The following CCDC171 variants were observed in gnomAD, a reference collection of about 807,000 sequenced individuals.
CCDC171 encodes coiled-coil domain-containing protein 171.
A neutral mutation model predicts 168.2 loss-of-function variants in CCDC171; 177 were observed. That is an observed-to-expected ratio of 1.05 (90% CI 0.93 to 1.19). The LOEUF is 1.19. Among genes scored for constraint, CCDC171 ranks in the 50% most tolerant of loss-of-function variants. CCDC171 has a pLI of 0.00. For missense variants in CCDC171, 1,991 were observed against 1,539.0 expected (o/e 1.29, Z -4.91); for synonymous variants, 687 against 540.8 (o/e 1.27, Z -3.75).
chr9:15,666,357 CAT>C, intron 9 of CCDC171, 34 bp downstream of exon 9: 1 of 1,461,402 alleles, frequency 6.8e-7, no homozygotes, highest in Non-Finnish European at 9.4e-7. Context: ...TCTAAATTAA[CAT>C]AAAGATTTTA....
intron 6 of CCDC171, among the ~76,000 whole-genome samples, chr9:16,034,477 A>T (rs1366864458): frequency 1.3e-5 from 2 of 152,160 alleles, no homozygotes; most frequent in African/African-American, 4.8e-5. Flanking sequence ...TTTTTTCCAC[A>T]GTAATTTGAT....
At chr9:15,648,769 C>A (rs1321771226) in intron 7 of CCDC171, among the ~76,000 whole-genome samples, 3 of 152,132 alleles carry the variant, frequency 2.0e-5, no homozygotes, top group African/African-American at 4.8e-5. Flanking sequence ...AATGGAAGAA[C>A]CTTCCATGCT....
chr9:15,856,601 A>G (rs9407668), intron 23 of CCDC171, among the ~76,000 whole-genome samples: 114,536 of 151,838 alleles, frequency 0.75, 44,927 homozygotes, highest in East Asian at 0.89. Flanking sequence ...GTATCCATTT[A>G]TCTCTCAATA....
chr9:16,021,685 T>A (rs760748853), intron 4 of CCDC171, among the ~76,000 whole-genome samples: 2 of 152,240 alleles, frequency 1.3e-5, no homozygotes, highest in Non-Finnish European at 2.9e-5. Context: ...TGAAAAGTGT[T>A]TGACCCCAGA....
chr9:15,649,510 G>T (rs1366931066), intron 7 of CCDC171, among the ~76,000 whole-genome samples: 5 of 152,070 alleles, frequency 3.3e-5, no homozygotes, highest in Admixed American at 1.3e-4. Context: ...CTGACAAAGG[G>T]CTAATATCCA....
intron 24 of CCDC171, among the ~76,000 whole-genome samples, chr9:15,889,513 AT>A (rs1170246745): frequency 6.6e-6 from 1 of 152,146 alleles, no homozygotes; most frequent in Non-Finnish European, 1.5e-5. Context: ...ATTGTGTAGT[AT>A]TTTATGCCAC....
chr9:15,891,981 T>A (rs919596011), intron 24 of CCDC171, among the ~76,000 whole-genome samples: 2 of 152,114 alleles, frequency 1.3e-5, no homozygotes, highest in African/African-American at 2.4e-5. Context: ...TTTTGGACCT[T>A]TCCCCAATCC....
At chr9:16,070,642 G>A in the CCDC171 span, among the ~76,000 whole-genome samples, 2 of 152,204 alleles carry the variant, frequency 1.3e-5, no homozygotes. Context: ...AACTAAGGCA[G>A]GAGCAAGAAA....
chr9:15,663,585 C>G (rs2048483822), intron 8 of CCDC171, among the ~76,000 whole-genome samples: 1 of 149,222 alleles, frequency 6.7e-6, no homozygotes, highest in African/African-American at 2.4e-5. Flanking sequence ...TGGAGAACTA[C>G]ATAGAGAATT....
intron 11 of CCDC171, 68 bp downstream of exon 11, chr9:15,695,405 C>G: frequency 2.7e-6 from 3 of 1,129,624 alleles, no homozygotes; most frequent in Non-Finnish European, 4.1e-6. Context: ...TTTGGGAATT[C>G]TGCAGATGCC....
chr9:15,621,045 A>C (rs1327007904), intron 6 of CCDC171, among the ~76,000 whole-genome samples: 2 of 152,158 alleles, frequency 1.3e-5, no homozygotes, highest in Non-Finnish European at 2.9e-5. Context: ...GACTCACTGC[A>C]ATCTCTGCTT....
chr9:15,605,436 T>C (rs1257374331), intron 6 of CCDC171, among the ~76,000 whole-genome samples: 1 of 150,370 alleles, frequency 6.7e-6, no homozygotes, highest in African/African-American at 2.5e-5. Context: ...TCCCAGCACT[T>C]TGGGAGGCTG....
intron 18 of CCDC171, among the ~76,000 whole-genome samples, chr9:15,758,056 C>G (rs773251851): frequency 7.9e-5 from 12 of 152,168 alleles, no homozygotes; most frequent in Non-Finnish European, 1.6e-4. Context: ...CACAGAGTCC[C>G]TACTGGGGCA....
chr9:15,721,834 T>C lies in CCDC171; in HGVS notation c.1384T>C (p.Leu462=), dbSNP rs1242233721. 1 of 1,563,388 alleles carries C rather than the reference T, an allele frequency of 6.4e-7. No homozygotes were observed. The highest frequency in any genetic ancestry group is 1.8e-5 in the Admixed American group (1 of 54,774). ...TGTCCTTGAGAGATTGAGGCGTACC[T>C]TGACAGATTACCAGAACAAGCTGGA... ...SVVLERLRRT[L]TDYQNKLEDA... The change falls in exon 12 of 26, where the codon TTG becomes CTG. Residue 462 remains leucine, a synonymous_variant. Transcript: ENST00000380701.
chr9:15,623,349 G>A lies in CCDC171; in HGVS notation c.758G>A (p.Arg253Gln), dbSNP rs1014327388. The change falls in exon 7 of 26, where the codon CGG (arginine) becomes CAG (glutamine). Residue 253 changes from arginine (R) to glutamine (Q), a missense_variant. Physicochemically the swap from Arg to Gln is conservative, Grantham distance 43 (BLOSUM62 1). Coordinates refer to ENST00000380701, the MANE Select transcript of CCDC171 (RefSeq NM_173550.4). ...TEHMDCSDLL[R>Q]RQTSELEFST... ...CATATGGACTGCTCTGACCTTTTAC[G>A]GCGACAAACAAGTGAACTTGAATTT... 5.6e-6 allele frequency: 9 copies of A among 1,611,470 alleles called. No homozygotes were observed. The highest frequency in any genetic ancestry group is 7.6e-6 in the Non-Finnish European group (9 of 1,178,500).
At chr9:15,918,804 A>G (rs2131967162) in intron 24 of CCDC171, among the ~76,000 whole-genome samples, 1 of 151,728 alleles carries the variant, frequency 6.6e-6, no homozygotes, top group Non-Finnish European at 1.5e-5. Flanking sequence ...TCATTAGATT[A>G]GGTGTTAAGA....
At chr9:15,996,320 C>T (rs1489750830) in intron 3 of CCDC171, among the ~76,000 whole-genome samples, 2 of 151,676 alleles carry the variant, frequency 1.3e-5, no homozygotes. Flanking sequence ...CTGGCCGGCA[C>T]ACCTGCCATT....
intron 3 of CCDC171, among the ~76,000 whole-genome samples, chr9:16,016,005 A>T (rs1007348290): frequency 6.6e-6 from 1 of 152,124 alleles, no homozygotes; most frequent in East Asian, 1.9e-4. Flanking sequence ...CATTTTCTTT[A>T]TCCATTCATT....
intron 18 of CCDC171, among the ~76,000 whole-genome samples, chr9:15,762,755 T>C (rs924727672): frequency 6.6e-6 from 1 of 152,214 alleles, no homozygotes; most frequent in Non-Finnish European, 1.5e-5. Flanking sequence ...CAAGAAAATG[T>C]ATAGCACATT....
Sources: allele counts gnomAD v4.1 joint callset (sites outside exome capture counted in the v4.1 genomes callset), GRCh38; gene constraint gnomAD v4.1.1; transcripts MANE v1.5; gene names NCBI Gene and HGNC (gene_info 2026-07-23, HGNC 2026-07-21).